Variants in GUCY2F observed in about 807,000 individuals in gnomAD.
The protein encoded by GUCY2F is guanylate cyclase 2F, retinal, also known as retinal guanylyl cyclase 2.
GUCY2F carries 61 observed loss-of-function variants against 73.1 expected under a neutral mutation model. The ratio of observed to expected loss-of-function variants is 0.83; its 90% CI spans 0.68 to 1.03. The LOEUF is 1.03. Among genes scored for constraint, GUCY2F ranks in the 50% least tolerant of loss-of-function variants. The pLI is 0.00. For synonymous variants in GUCY2F, 331 were observed against 307.8 expected (o/e 1.08, Z -0.79); for missense variants, 912 against 854.3 (o/e 1.07, Z -0.84).
At chrX:109,408,702 G>A (rs1222896988) in intron 9 of GUCY2F, among the ~76,000 whole-genome samples, 3 of 111,719 alleles carry the variant, frequency 2.7e-5, no homozygotes, top group Non-Finnish European at 5.6e-5. Flanking sequence ...TTTGGCAGGG[G>A]TTTCCACTTT....
chrX:109,403,195 T>A (rs958056306), intron 10 of GUCY2F, among the ~76,000 whole-genome samples: 1 of 110,882 alleles, frequency 9.0e-6, no homozygotes, highest in Admixed American at 9.7e-5. Context: ...TTTCTCCCCC[T>A]CATCTATCTG....
At chrX:109,415,526 A>C (rs1378355504) in intron 8 of GUCY2F, among the ~76,000 whole-genome samples, 1 of 112,302 alleles carries the variant, frequency 8.9e-6, no homozygotes, top group Non-Finnish European at 1.9e-5. Context: ...GTCTTCCTCA[A>C]GAAATTTGCC....
chrX:109,399,897 A>G (rs1460364965), intron 10 of GUCY2F, among the ~76,000 whole-genome samples: 1 of 106,838 alleles, frequency 9.4e-6, no homozygotes, highest in East Asian at 3.0e-4. Flanking sequence ...TGGTAAGCAG[A>G]TTAGCTTGAC....
intron 1 of GUCY2F, among the ~76,000 whole-genome samples, chrX:109,477,889 C>A (rs1176713540): frequency 9.0e-6 from 1 of 111,719 alleles, no homozygotes; most frequent in African/African-American, 3.3e-5. Context: ...AGACCTACCA[C>A]AAATAGTATG....
chrX:109,430,744 C>A lies in GUCY2F; in HGVS notation c.1702-348G>T, dbSNP rs145397862. Among the ~76,000 whole-genome samples, 662 of 111,952 alleles carry A rather than the reference C, an allele frequency of 5.9e-3. 10 individuals are homozygous for A. The highest frequency in any genetic ancestry group is 0.037 in the Middle Eastern group (8 of 219). On this transcript the variant is annotated intron_variant, in intron 7 of 19. Transcript: ENST00000218006. ...AGCTAAATGATGTAGCACCAGGTTC[C>A]CTGCGATTAATGGTGATAGTTAGTG...
intron 19 of GUCY2F, among the ~76,000 whole-genome samples, chrX:109,373,469 G>A (rs1177742775): frequency 9.0e-6 from 1 of 111,461 alleles, no homozygotes; most frequent in African/African-American, 3.3e-5. Flanking sequence ...CTCTCCATTC[G>A]TTGAGTCCAA....
intron 2 of GUCY2F, among the ~76,000 whole-genome samples, chrX:109,471,836 A>G (rs1012550072): frequency 2.7e-5 from 3 of 111,919 alleles, no homozygotes; most frequent in Non-Finnish European, 5.6e-5. Context: ...GAAAATGCCT[A>G]TCTCCTGGAT....
intron 11 of GUCY2F, 72 bp from the exon 12 acceptor site, chrX:109,395,561 A>C: frequency 1.1e-6 from 1 of 924,612 alleles, no homozygotes; most frequent in Non-Finnish European, 1.5e-6. Flanking sequence ...AAGATAACTG[A>C]CTTTTAGCCA....
rs761568960 is a variant in GUCY2F at position 109,452,060 on chromosome X, C to T, written c.1435G>A (p.Ala479Thr). The change falls in exon 5 of 20, where the codon GCC becomes ACC. Residue 479 changes from alanine (A) to threonine (T), a missense_variant. Transcript: ENST00000218006. ...AMMVCLTLLI[A>T]LLSINGFAYF... Reference sequence around the variant, plus strand: ...GCAAATCCATTAATAGACAGCAGGGCTATAAGCAAAGTAAGGCAGACCATC... The same window carrying T: ...GCAAATCCATTAATAGACAGCAGGGTTATAAGCAAAGTAAGGCAGACCATC... 3 of 1,124,718 alleles carry T rather than the reference C, an allele frequency of 2.7e-6. No individual in the cohort carries two copies. The East Asian group carries it at 9.0e-5, about 34-fold the overall frequency. 92.7% of individuals were successfully genotyped at this position (1,124,718 alleles called of 1,213,427 possible).
At position 109,391,926 on chromosome X, in the gene GUCY2F, A is replaced by G. The variant is rs759155118; in HGVS notation, c.2766T>C (p.Ser922=). 8.4e-7 allele frequency: 1 copy of G among 1,196,484 alleles called. No individual in the cohort carries two copies. The highest frequency in any genetic ancestry group is 1.1e-6 in the Non-Finnish European group (1 of 885,588). The change falls in exon 14 of 20, where the codon AGT becomes AGC. Residue 922 remains serine, a synonymous_variant. Coordinates refer to ENST00000218006, the MANE Select transcript of GUCY2F (RefSeq NM_001522.3). The part of the protein sequence containing the change: ...LYTLFDAIIG[S]HDVYKVETIG... ...ATTAACCTACCTTGTAGACATCATG[A>G]CTGCCAATTATTGCATCAAAGAGTG...
chrX:109,468,038 C>T (rs767065185), intron 2 of GUCY2F, among the ~76,000 whole-genome samples: 1 of 111,677 alleles, frequency 9.0e-6, no homozygotes, highest in Non-Finnish European at 1.9e-5. Flanking sequence ...CTAAGACTGG[C>T]TGAGGCCTTT....
intron 7 of GUCY2F, among the ~76,000 whole-genome samples, chrX:109,441,085 A>C (rs1426989611): frequency 8.9e-6 from 1 of 112,122 alleles, no homozygotes; most frequent in African/African-American, 3.2e-5. Flanking sequence ...ACACATTTAA[A>C]TGTTTGGGTC....
At chrX:109,455,975 C>T (rs115451855) in intron 3 of GUCY2F, among the ~76,000 whole-genome samples, 1 of 112,230 alleles carries the variant, frequency 8.9e-6, no homozygotes, top group African/African-American at 3.2e-5. Context: ...TCTAGTTGTT[C>T]AGGCCAAAAG....
chrX:109,463,676 A>T lies in GUCY2F; in HGVS notation c.1032+1466T>A, dbSNP rs1193452039. Among the ~76,000 whole-genome samples, 3 of 110,911 alleles carry T rather than the reference A, an allele frequency of 2.7e-5. No individual in the cohort carries two copies. The Admixed American group carries it at 2.9e-4, about 11-fold the overall frequency. ...ATGGTCTCGATCTCCTGACCTCGTGATCCACCCGCCTCAGCCTCCCAAAGT... is the reference window on the plus strand; with the variant it reads ...ATGGTCTCGATCTCCTGACCTCGTGTTCCACCCGCCTCAGCCTCCCAAAGT... On this transcript the variant is annotated intron_variant, in intron 3 of 19. Coordinates refer to ENST00000218006, the MANE Select transcript of GUCY2F (RefSeq NM_001522.3).
Position 109,376,598 on chromosome X carries a change from T to G in GUCY2F, c.3151-431A>C, listed in dbSNP as rs920763690. ...AGAAATGGAAAACAGGCTGTTAAAT[T>G]TTAAGCCTAAATTATCCTGGCTATT... On this transcript the variant is annotated intron_variant, in intron 17 of 19. Transcript: ENST00000218006. 2.7e-5 allele frequency among the ~76,000 whole-genome samples: 3 copies of G among 112,192 alleles called. No homozygotes were observed. The Admixed American group carries it at 2.8e-4, about 11-fold the overall frequency.
rs937134017 is a variant in GUCY2F, at chrX:109,376,074, C to T, written c.3239+5G>A. On this transcript the variant is annotated splice_donor_5th_base_variant and intron_variant, in intron 18 of 19. Transcript: ENST00000218006. Reference sequence around the variant, plus strand: ...AGACTCCAATTAAATGTGAACTCCACTTACCCATCTTTGTCCACTGGTGGG... The same window carrying T: ...AGACTCCAATTAAATGTGAACTCCATTTACCCATCTTTGTCCACTGGTGGG... 3 of 1,184,158 alleles carry T rather than the reference C, an allele frequency of 2.5e-6. No homozygotes were observed. The highest frequency in any genetic ancestry group is 1.8e-5 in the South Asian group (1 of 56,190).
intron 15 of GUCY2F, 24 bp downstream of exon 15, chrX:109,388,465 C>T: frequency 8.8e-7 from 1 of 1,137,915 alleles, no homozygotes; most frequent in South Asian, 1.9e-5. Context: ...TAGAATGTTT[C>T]CTCTTACTTT....
chrX:109,416,933 C>CAAAAAAAAAAAAAAA (rs367707786), intron 8 of GUCY2F, among the ~76,000 whole-genome samples: 1 of 57,634 alleles, frequency 1.7e-5, no homozygotes, highest in Non-Finnish European at 3.8e-5. Context: ...CAAAGAAATG[C>CAAAAAAAAAAAAAAA]AAAAAAAAAA....
chrX:109,443,781 A>T (rs923598602), intron 6 of GUCY2F, among the ~76,000 whole-genome samples: 1 of 112,256 alleles, frequency 8.9e-6, no homozygotes, highest in Admixed American at 9.5e-5. Context: ...TTTGACATGG[A>T]TACCACCAAA....
Sources: gnomAD v4.1 joint callset for allele counts (sites outside exome capture counted in the v4.1 genomes callset) on GRCh38, gnomAD v4.1.1 for gene constraint, MANE v1.5 for transcripts, NCBI Gene and HGNC (gene_info 2026-07-23, HGNC 2026-07-21) for gene names.